CDHR2: variants seen among roughly 807,000 people sequenced by gnomAD.
CDHR2 encodes cadherin related family member 2.
In CDHR2, 104 loss-of-function variants were observed where a neutral mutation model predicts 138.6. The ratio of observed to expected loss-of-function variants is 0.75; its 90% CI spans 0.64 to 0.88. The LOEUF (loss-of-function observed/expected upper bound fraction) is 0.88. Ranked by LOEUF, CDHR2 falls within the 40% of genes least tolerant of loss-of-function variation. The probability of loss-of-function intolerance (pLI) is 0.00; values close to 1 mark genes in which losing one functional copy is unlikely to be tolerated. For synonymous variants in CDHR2, 755 were observed against 742.8 expected (o/e 1.02, Z -0.27); for missense variants, 1,624 against 1,727.6 (o/e 0.94, Z 1.06).
intron 21 of CDHR2, 137 bp from the exon 22 acceptor site, chr5:176,588,894 A>G: frequency 1.2e-6 from 1 of 839,572 alleles, no homozygotes; most frequent in Non-Finnish European, 1.9e-6. Context: ...CCATTTGCTT[A>G]TTCGGGGCAG....
At chr5:176,562,641 A>C (rs896314286) in intron 1 of CDHR2, among the ~76,000 whole-genome samples, 5 of 152,110 alleles carry the variant, frequency 3.3e-5, no homozygotes, top group African/African-American at 4.8e-5. Flanking sequence ...AACTTTTTTA[A>C]AAACACAAAA....
At chr5:176,550,411 T>C (rs1430347814) in intron 1 of CDHR2, among the ~76,000 whole-genome samples, 1 of 152,148 alleles carries the variant, frequency 6.6e-6, no homozygotes, top group Non-Finnish European at 1.5e-5. Flanking sequence ...CCCACATCCT[T>C]GCTCCGGGCA....
intron 1 of CDHR2, among the ~76,000 whole-genome samples, chr5:176,555,639 G>T (rs1254267912): frequency 6.6e-6 from 1 of 152,216 alleles, no homozygotes; most frequent in African/African-American, 2.4e-5. Flanking sequence ...GCAGTGGATG[G>T]CTCACGCCTG....
chr5:176,564,743 C>T (rs1050159929), intron 1 of CDHR2, among the ~76,000 whole-genome samples: 2 of 151,972 alleles, frequency 1.3e-5, no homozygotes, highest in South Asian at 2.1e-4. Context: ...GCCAGGGTTC[C>T]ACGGAGCACA....
In CDHR2 at chr5:176,575,764, G is replaced by A. The variant is rs1015862854; in HGVS notation, c.885G>A (p.Gly295=). Residue 295 remains glycine (G), a synonymous_variant, in exon 11 of 32, where the codon GGG becomes GGA. Transcript: ENST00000261944. ...RPGWFDIGAD[G]VIRVNGSLDR... is the part of the protein sequence containing the mutation. Reference sequence around the variant, plus strand: ...GCTGGTTTGACATCGGGGCAGATGGGGTGATCAGGGTCAACGGCTCCCTGG... The same window carrying A: ...GCTGGTTTGACATCGGGGCAGATGGAGTGATCAGGGTCAACGGCTCCCTGG... The A allele has an allele frequency of 6.4e-7, 1 of 1,567,638 alleles. No homozygotes were observed. Among genetic ancestry groups the A allele is most frequent in the South Asian group, 1.2e-5 (1 of 86,298 alleles).
chr5:176,574,974 T>C (rs1078450), intron 7 of CDHR2, 110 bp from the exon 8 acceptor site: 1,229,877 of 1,329,222 alleles, frequency 0.93, 570,946 homozygotes, highest in Non-Finnish European at 0.95. Context: ...CTGGTGCCAG[T>C]GGCGTGACTG....
intron 1 of CDHR2, among the ~76,000 whole-genome samples, chr5:176,563,275 G>A (rs1489565100): frequency 6.6e-6 from 1 of 152,158 alleles, no homozygotes; most frequent in Non-Finnish European, 1.5e-5. Context: ...TTGAACAATG[G>A]AGGCAGAGGT....
intron 3 of CDHR2, among the ~76,000 whole-genome samples, chr5:176,567,422 G>C (rs968446290): frequency 6.6e-6 from 1 of 151,988 alleles, no homozygotes; most frequent in East Asian, 1.9e-4. Flanking sequence ...CTCCCATCTC[G>C]GCTTCCCAAA....
intron 19 of CDHR2, among the ~76,000 whole-genome samples, chr5:176,585,390 C>T (rs1758634925): frequency 6.6e-6 from 1 of 152,200 alleles, no homozygotes; most frequent in African/African-American, 2.4e-5. Context: ...ATCACATTAA[C>T]AACTAGCATA....
At position 176,584,534 on chromosome 5, in the gene CDHR2, TGG is replaced by T; in HGVS notation, c.2255_2256del (p.Gly752ValfsTer3). 12 of 1,613,340 alleles carry T rather than the reference TGG, an allele frequency of 7.4e-6. No individual in the cohort carries two copies. Among genetic ancestry groups the T allele is most frequent in the Non-Finnish European group, 1.0e-5 (12 of 1,179,602 alleles). On this transcript the variant is annotated frameshift_variant, in exon 19 of 32. Transcript: ENST00000261944. LOFTEE classifies it high-confidence loss of function. Reference sequence around the variant, plus strand: ...TGATCCGAGGCTTGGTGCTGGGGGCTGGGTGGGCTGAGGGCTACCTCCGGCTG... The same window carrying T: ...TGATCCGAGGCTTGGTGCTGGGGGCTGTGGGCTGAGGGCTACCTCCGGCTG... ...FMIRGLVLGA[G>X]WAEGYLRLPP... is the part of the protein sequence containing the mutation.
intron 1 of CDHR2, among the ~76,000 whole-genome samples, chr5:176,563,361 CA>C (rs979368802): frequency 2.6e-5 from 4 of 151,936 alleles, no homozygotes; most frequent in Non-Finnish European, 5.9e-5. Flanking sequence ...ACCAAACAAA[CA>C]AAAAAGGCTG....
At chr5:176,581,255 G>A in intron 16 of CDHR2, 88 bp from the exon 17 acceptor site, 2 of 1,545,154 alleles carry the variant, frequency 1.3e-6, no homozygotes, top group Non-Finnish European at 1.7e-6. Context: ...GCGTGGGCCA[G>A]CGCTGGAGAG....
intron 31 of CDHR2, among the ~76,000 whole-genome samples, chr5:176,593,549 C>T (rs919731186): frequency 6.6e-6 from 1 of 152,136 alleles, no homozygotes; most frequent in Non-Finnish European, 1.5e-5. Flanking sequence ...GAAGGAACTG[C>T]CCTCTCTCCT....
At chr5:176,574,424 C>A (rs774779961) in intron 7 of CDHR2, among the ~76,000 whole-genome samples, 1 of 152,196 alleles carries the variant, frequency 6.6e-6, no homozygotes, top group Non-Finnish European at 1.5e-5. Context: ...GTCCAAATTC[C>A]ACAGACAATA....
chr5:176,568,892 T>C, intron 4 of CDHR2, 68 bp from the exon 5 acceptor site: 1 of 1,611,238 alleles, frequency 6.2e-7, no homozygotes, highest in Non-Finnish European at 8.5e-7. Flanking sequence ...CGCGTCCTGG[T>C]GGCGGCACCC....
chr5:176,587,155 T>A (rs948456529), intron 21 of CDHR2, among the ~76,000 whole-genome samples: 12 of 152,162 alleles, frequency 7.9e-5, no homozygotes, highest in African/African-American at 2.7e-4. Context: ...CATTAAATAA[T>A]TCTCAGAGCC....
chr5:176,575,905 C>T (rs1313772151), intron 11 of CDHR2, 47 bp from the exon 12 acceptor site: 2 of 1,575,092 alleles, frequency 1.3e-6, no homozygotes, highest in Non-Finnish European at 1.7e-6. Flanking sequence ...TGATCTCTCT[C>T]TCTGAGCACT....
chr5:176,592,124 T>C (rs575889755), intron 30 of CDHR2, among the ~76,000 whole-genome samples: 156 of 135,632 alleles, frequency 1.2e-3, no homozygotes, highest in African/African-American at 4.2e-3. Context: ...ATGGTAGTGA[T>C]GGTGATGGTG....
At position 176,543,043 on chromosome 5, in the gene CDHR2, C is replaced by G. The variant is rs991004444; in HGVS notation, c.-16+274C>G. Among the ~76,000 whole-genome samples, 5 of 151,910 alleles carry G rather than the reference C, an allele frequency of 3.3e-5. No individual in the cohort carries two copies. The highest frequency in any genetic ancestry group is 7.4e-5 in the Non-Finnish European group (5 of 67,908). ...GGGCTCGGAGTTCCCCGGGGCTCCC[C>G]GAGTTGGGGCGTTTGGACCTAGCGG... On this transcript the variant is annotated intron_variant, in intron 1 of 31. Transcript: ENST00000510636. This position sits in a 1 kb window ranked among gnomAD's most constrained non-coding sequence, Gnocchi z 4.0.
Sources: allele counts gnomAD v4.1 joint callset (sites outside exome capture counted in the v4.1 genomes callset), GRCh38; gene constraint gnomAD v4.1.1; non-coding constraint Gnocchi (gnomAD v3.1); transcripts MANE v1.5; gene names NCBI Gene and HGNC (gene_info 2026-07-23, HGNC 2026-07-21).